RTP2: variants seen among roughly 807,000 people sequenced by gnomAD.
The protein encoded by RTP2 is receptor-transporting protein 2.
In RTP2, 12 loss-of-function variants were observed where a neutral mutation model predicts 17.9. The ratio of observed to expected loss-of-function variants is 0.67; its 90% CI spans 0.43 to 1.09. The LOEUF is 1.09. RTP2 is among the 50% of genes least tolerant of loss of function. The probability of loss-of-function intolerance (pLI) is 0.00; values close to 1 mark genes in which losing one functional copy is unlikely to be tolerated. For synonymous variants in RTP2, 126 were observed against 117.7 expected (o/e 1.07, Z -0.46); for missense variants, 327 against 295.7 (o/e 1.11, Z -0.78).
chr3:187,703,395 C>G (rs1439316125), upstream of RTP2, among the ~76,000 whole-genome samples: 2 of 152,194 alleles, frequency 1.3e-5, no homozygotes, highest in African/African-American at 4.8e-5. Context: ...ACTGGATTCT[C>G]TCTTGAAATG....
At chr3:187,702,233 C>T (rs532409533) in exon 1 of RTP2, 222 of 1,180,584 alleles carry the variant, frequency 1.9e-4, no homozygotes, top group African/African-American at 2.3e-4. Context: ...GAATCCTCAT[C>T]GGCAGGACTG....
chr3:187,708,594 T>A, the RTP2 span, among the ~76,000 whole-genome samples: 2 of 152,206 alleles, frequency 1.3e-5, no homozygotes, highest in East Asian at 3.8e-4. Flanking sequence ...TCTCGAGGCA[T>A]CAGAAGCTGG....
intron 1 of RTP2, among the ~76,000 whole-genome samples, chr3:187,700,534 C>G (rs982413578): frequency 1.3e-5 from 2 of 152,240 alleles, no homozygotes; most frequent in African/African-American, 2.4e-5. Flanking sequence ...GGATCCTGGG[C>G]ACTCAAGTTT....
the RTP2 span, among the ~76,000 whole-genome samples, chr3:187,714,474 A>G: frequency 3.9e-5 from 6 of 152,234 alleles, no homozygotes; most frequent in African/African-American, 1.4e-4. Context: ...GAATAGGTAC[A>G]AAGCCATAGG....
chr3:187,714,208 T>C, the RTP2 span, among the ~76,000 whole-genome samples: 1 of 152,210 alleles, frequency 6.6e-6, no homozygotes, highest in African/African-American at 2.4e-5. Context: ...TACTAGACAC[T>C]AGATTAGTGT....
At chr3:187,699,779 A>ATG (rs1717798696) in intron 1 of RTP2, among the ~76,000 whole-genome samples, 1 of 7,012 alleles carries the variant, frequency 1.4e-4, no homozygotes. Context: ...ACACACACAC[A>ATG]CACATATATT....
At chr3:187,700,039 A>G (rs930969982) in intron 1 of RTP2, among the ~76,000 whole-genome samples, 2 of 152,192 alleles carry the variant, frequency 1.3e-5, no homozygotes, top group African/African-American at 2.4e-5. Context: ...TCAGATGTCC[A>G]CTGGGCTGTC....
chr3:187,701,233 C>T (rs1018695870), intron 1 of RTP2, among the ~76,000 whole-genome samples: 6 of 152,332 alleles, frequency 3.9e-5, no homozygotes, highest in South Asian at 2.1e-4. Context: ...GGACTTTAGA[C>T]GGCCTCGTCC....
At chr3:187,709,136 T>C in the RTP2 span, among the ~76,000 whole-genome samples, 1 of 152,218 alleles carries the variant, frequency 6.6e-6, no homozygotes, top group South Asian at 2.1e-4. Context: ...CAAGTTACTA[T>C]TGTTAAACAT....
At chr3:187,709,926 A>G in the RTP2 span, among the ~76,000 whole-genome samples, 1 of 152,088 alleles carries the variant, frequency 6.6e-6, no homozygotes. Flanking sequence ...TGTATGATGA[A>G]TAATTTTATA....
At chr3:187,698,435 G>T in exon 2 of RTP2, 1 of 1,433,192 alleles carries the variant, frequency 7.0e-7, no homozygotes, top group Non-Finnish European at 9.5e-7. Context: ...GCAGGATCAA[G>T]TCCAGACTGT....
At chr3:187,702,496 T>C (rs1338034174) in exon 1 of RTP2, 1 of 468,276 alleles carries the variant, frequency 2.1e-6, no homozygotes. Flanking sequence ...GTGGCCCTGC[T>C]TCACCCAACT....
the RTP2 span, among the ~76,000 whole-genome samples, chr3:187,713,568 T>C: frequency 6.6e-6 from 1 of 152,202 alleles, no homozygotes; most frequent in Non-Finnish European, 1.5e-5. Flanking sequence ...AGGCTTCCCA[T>C]TGATTACTTG....
At chr3:187,698,589 A>G in exon 2 of RTP2, 1 of 1,614,210 alleles carries the variant, frequency 6.2e-7, no homozygotes, top group Non-Finnish European at 8.5e-7. Context: ...AAGAGACAAG[A>G]AGTTGTAGCC....
At chr3:187,706,215 AC>A (rs1180851965), upstream of RTP2, among the ~76,000 whole-genome samples, 1 of 152,254 alleles carries the variant, frequency 6.6e-6, no homozygotes, top group East Asian at 1.9e-4. Flanking sequence ...AGCATATGAG[AC>A]GCAGATCTTA....
upstream of RTP2, among the ~76,000 whole-genome samples, chr3:187,704,005 A>G (rs576675141): frequency 3.3e-5 from 5 of 152,260 alleles, no homozygotes; most frequent in East Asian, 1.9e-4. Context: ...TACTACTTCA[A>G]TTTTCCGCGA....
At chr3:187,703,944 T>C (rs1245438884), upstream of RTP2, among the ~76,000 whole-genome samples, 1 of 152,194 alleles carries the variant, frequency 6.6e-6, no homozygotes, top group Non-Finnish European at 1.5e-5. Flanking sequence ...AGAATTCATC[T>C]TTCTGTGTAA....
the RTP2 span, among the ~76,000 whole-genome samples, chr3:187,714,801 G>A: frequency 6.6e-6 from 1 of 152,178 alleles, no homozygotes; most frequent in Non-Finnish European, 1.5e-5. Flanking sequence ...CTAGGCAGGG[G>A]TCTTGGTGTT....
upstream of RTP2, among the ~76,000 whole-genome samples, chr3:187,702,770 GTTTA>G (rs937670101): frequency 2.3e-4 from 35 of 152,336 alleles, no homozygotes; most frequent in African/African-American, 7.9e-4. Flanking sequence ...GAGCTCATTT[GTTTA>G]TTTATTTTAG....
Sources: allele counts gnomAD v4.1 joint callset (sites outside exome capture counted in the v4.1 genomes callset), GRCh38; gene constraint gnomAD v4.1.1; transcripts MANE v1.5; gene names NCBI Gene and HGNC (gene_info 2026-07-23, HGNC 2026-07-21).